Variants in PRKAG2 observed in about 807,000 individuals in gnomAD.
PRKAG2 encodes 5'-AMP-activated protein kinase subunit gamma-2.
PRKAG2 carries 26 observed loss-of-function variants against 69.6 expected under a neutral mutation model. The observed-to-expected ratio is 0.37, with a 90% CI of 0.27 to 0.52. The LOEUF is 0.52. Among genes scored for constraint, PRKAG2 ranks in the 20% least tolerant of loss-of-function variants. PRKAG2 has a pLI of 0.90. For missense variants in PRKAG2, 557 were observed against 740.0 expected (o/e 0.75, Z 2.87); for synonymous variants, 293 against 285.0 (o/e 1.03, Z -0.28).
intron 4 of PRKAG2, among the ~76,000 whole-genome samples, chr7:151,654,552 GT>G (rs1829111058): frequency 6.6e-6 from 1 of 152,170 alleles, no homozygotes; most frequent in African/African-American, 2.4e-5. Flanking sequence ...AAACCATATA[GT>G]GTACTATAGT....
At chr7:151,659,553 C>A (rs1830000581) in intron 4 of PRKAG2, among the ~76,000 whole-genome samples, 1 of 152,312 alleles carries the variant, frequency 6.6e-6, no homozygotes, top group East Asian at 1.9e-4. Context: ...CACATGGTGA[C>A]CGGGCAGACA....
intron 1 of PRKAG2, among the ~76,000 whole-genome samples, chr7:151,793,003 C>T (rs548103581): frequency 3.3e-5 from 5 of 152,312 alleles, no homozygotes; most frequent in East Asian, 3.9e-4. Flanking sequence ...TGGACATATC[C>T]GGACTTCAGT....
intron 3 of PRKAG2, among the ~76,000 whole-genome samples, chr7:151,746,205 G>A (rs2074274650): frequency 6.6e-6 from 1 of 152,182 alleles, no homozygotes; most frequent in South Asian, 2.1e-4. Flanking sequence ...CTAGGCGATG[G>A]GGCAGGATTT....
intron 1 of PRKAG2, among the ~76,000 whole-genome samples, chr7:151,794,457 A>G (rs774800165): frequency 2.6e-5 from 4 of 152,208 alleles, no homozygotes; most frequent in Non-Finnish European, 5.9e-5. Flanking sequence ...GGGAAACGAG[A>G]CCAGAGGACG....
intron 1 of PRKAG2, among the ~76,000 whole-genome samples, chr7:151,875,615 A>G (rs1165320535): frequency 3.3e-5 from 3 of 90,998 alleles, no homozygotes; most frequent in African/African-American, 7.7e-5. Flanking sequence ...GTGTGTGTGT[A>G]CACAAACATT....
At chr7:151,790,825 C>A (rs2077241914) in intron 1 of PRKAG2, among the ~76,000 whole-genome samples, 1 of 152,244 alleles carries the variant, frequency 6.6e-6, no homozygotes, top group African/African-American at 2.4e-5. Context: ...CCTCATGCAA[C>A]CCTAAGCAGC....
intron 5 of PRKAG2, among the ~76,000 whole-genome samples, chr7:151,627,281 A>G (rs143193870): frequency 1.6e-4 from 24 of 152,254 alleles, no homozygotes; most frequent in Middle Eastern, 3.4e-3. Flanking sequence ...AGTGGCCCCT[A>G]CTTTTACCTA....
chr7:151,752,856 C>T (rs993287369), intron 3 of PRKAG2, among the ~76,000 whole-genome samples: 5 of 152,344 alleles, frequency 3.3e-5, no homozygotes, highest in African/African-American at 1.2e-4. Context: ...CCCCCTGAAG[C>T]CCTGACTGGT....
chr7:151,695,525 G>A (rs1056093806), intron 3 of PRKAG2, among the ~76,000 whole-genome samples: 6 of 152,198 alleles, frequency 3.9e-5, no homozygotes, highest in Admixed American at 3.3e-4. Flanking sequence ...TGTGCAGGAA[G>A]CTGTGTTGGG....
At chr7:151,862,003 G>A (rs763815793) in intron 1 of PRKAG2, among the ~76,000 whole-genome samples, 4 of 151,692 alleles carry the variant, frequency 2.6e-5, no homozygotes, top group African/African-American at 4.9e-5. Flanking sequence ...GTCCATGCCC[G>A]TCCCCTCAGT....
intron 5 of PRKAG2, among the ~76,000 whole-genome samples, chr7:151,604,810 G>GT (rs944856479): frequency 1.1e-4 from 17 of 152,286 alleles, no homozygotes; most frequent in African/African-American, 3.8e-4. Flanking sequence ...GGCTGCGACA[G>GT]TTTCTCAGAC....
Position 151,570,151 on chromosome 7 carries a change from G to GAA in PRKAG2, c.1106+18_1106+19dup. On this transcript the variant is annotated intron_variant, in intron 10 of 15. Coordinates refer to ENST00000287878, the MANE Select transcript of PRKAG2 (RefSeq NM_016203.4). ...ATACATCTGAATGAATGTTTTCAAA[G>GAA]AAAAAAAAAACAAGTTTACCTTGCA... is the stretch of plus-strand genomic sequence containing the variant. The GAA allele has an allele frequency of 7.8e-6, 11 of 1,416,764 alleles. No individual in the cohort carries two copies. Among genetic ancestry groups the GAA allele is most frequent in the Admixed American group, 3.9e-5 (2 of 51,884 alleles). The allele number at this position is 1,416,764 out of a possible 1,614,324, so 87.8% of individuals were successfully genotyped here.
At chr7:151,703,710 A>T (rs1838100877) in intron 3 of PRKAG2, among the ~76,000 whole-genome samples, 1 of 151,994 alleles carries the variant, frequency 6.6e-6, no homozygotes, top group South Asian at 2.1e-4. Flanking sequence ...TTTCTATTTA[A>T]AAAAATTTTT....
In PRKAG2 at chr7:151,828,557, G is replaced by A. The variant is rs770322411; in HGVS notation, c.115-42016C>T. ...AGTCTTAGAAGCCTACAAACTGACC[G>A]TGGCTTTGTCTCATCTCTTCTTCCC... On this transcript the variant is annotated intron_variant, in intron 1 of 15. Transcript: ENST00000287878. This position sits in a 1 kb window ranked among gnomAD's most constrained non-coding sequence, Gnocchi z 4.6. 1.3e-5 allele frequency among the ~76,000 whole-genome samples: 2 copies of A among 152,136 alleles called. No individual in the cohort carries two copies. Among genetic ancestry groups the A allele is most frequent in the South Asian group, 2.1e-4 (1 of 4,824 alleles).
At chr7:151,709,652 ATG>A (rs1158278582) in intron 3 of PRKAG2, among the ~76,000 whole-genome samples, 4 of 152,278 alleles carry the variant, frequency 2.6e-5, no homozygotes, top group South Asian at 2.1e-4. Flanking sequence ...GACATGATAT[ATG>A]TGACACTGAA....
At chr7:151,823,812 G>A (rs2078849147) in intron 1 of PRKAG2, among the ~76,000 whole-genome samples, 3 of 152,126 alleles carry the variant, frequency 2.0e-5, no homozygotes, top group Admixed American at 1.3e-4. Context: ...TAAATCATTC[G>A]TCTACCTGGA....
rs535974475 is a variant in PRKAG2 at position 151,824,732 on chromosome 7, G to C, written c.115-38191C>G. ...GACACAAAGCAGAGCCCCAGCTGTC[G>C]GTGATGCATGTACAGCAGTAGCGAG... On this transcript the variant is annotated intron_variant, in intron 1 of 15. Transcript: ENST00000287878. Among the ~76,000 whole-genome samples, 142 of 152,310 alleles carry C rather than the reference G, an allele frequency of 9.3e-4. No homozygotes were observed. In the South Asian group the frequency reaches 0.017, roughly 19 times the overall value.
At chr7:151,568,626 T>C (rs1369663386) in intron 11 of PRKAG2, 90 bp downstream of exon 11, 3 of 1,407,040 alleles carry the variant, frequency 2.1e-6, no homozygotes, top group South Asian at 2.4e-5. Flanking sequence ...CAATTTCTTC[T>C]ACTGAGGGTA....
At chr7:151,645,036 T>C (rs1289076932) in intron 4 of PRKAG2, among the ~76,000 whole-genome samples, 1 of 152,140 alleles carries the variant, frequency 6.6e-6, no homozygotes, top group African/African-American at 2.4e-5. Flanking sequence ...CTTATTGAGT[T>C]GTATGAATAT....
Sources: allele counts gnomAD v4.1 joint callset (sites outside exome capture counted in the v4.1 genomes callset), GRCh38; gene constraint gnomAD v4.1.1; non-coding constraint Gnocchi (gnomAD v3.1); transcripts MANE v1.5; gene names NCBI Gene and HGNC (gene_info 2026-07-23, HGNC 2026-07-21).